The following SPTBN4 variants were observed in gnomAD, a reference collection of about 807,000 sequenced individuals.
The protein encoded by SPTBN4 is spectrin beta, non-erythrocytic 4, also known as spectrin beta chain, non-erythrocytic 4.
SPTBN4 carries 96 observed loss-of-function variants against 277.8 expected under a neutral mutation model. That is an observed-to-expected ratio of 0.35 (90% CI 0.29 to 0.41). The LOEUF (loss-of-function observed/expected upper bound fraction) is 0.41. Ranked by LOEUF, SPTBN4 falls within the 10% of genes least tolerant of loss-of-function variation. The pLI is 1.00. For missense variants in SPTBN4, 3,006 were observed against 3,595.7 expected (o/e 0.84, Z 4.19); for synonymous variants, 1,481 against 1,580.3 (o/e 0.94, Z 1.49).
At position 40,570,695 on chromosome 19, in the gene SPTBN4, G is replaced by A; in HGVS notation, c.7286G>A (p.Arg2429His). 6.2e-7 allele frequency: 1 copy of A among 1,607,744 alleles called. No individual in the cohort carries two copies. The highest frequency in any genetic ancestry group is 1.7e-4 in the Middle Eastern group (1 of 6,006). ...VQHEGFLLRK[R>H]ELDANRKSSN... The stretch of plus-strand genomic sequence containing the variant: ...CACGAGGGCTTCCTACTGCGCAAGC[G>A]CGAGCTCGACGCTAACCGCAAGTCG... Residue 2429 changes from arginine (R) to histidine (H), a missense_variant, in exon 33 of 36, where the codon CGC becomes CAC. Physicochemically the swap from Arg to His is conservative, Grantham distance 29. Around this residue, in one of 5 missense-constraint regions of SPTBN4, gnomAD observed 630 missense variants for 677.6 expected, o/e 0.93. Coordinates refer to ENST00000598249, the MANE Select transcript of SPTBN4 (RefSeq NM_020971.3).
intron 20 of SPTBN4, among the ~76,000 whole-genome samples, chr19:40,541,784 A>T (rs1046045514): frequency 3.9e-5 from 6 of 151,918 alleles, no homozygotes; most frequent in African/African-American, 1.5e-4. Flanking sequence ...TTACTCTGTC[A>T]CCCAGGCTGG....
Position 40,502,976 on chromosome 19 carries a change from G to A in SPTBN4, c.1362+43G>A, listed in dbSNP as rs762374654. The A allele has an allele frequency of 6.9e-6, 11 of 1,598,460 alleles. No individual in the cohort carries two copies. The highest frequency in any genetic ancestry group is 4.5e-5 in the South Asian group (4 of 89,430). The stretch of plus-strand genomic sequence containing the variant: ...TGGCTCCAGGGTAAAGGGACGGAGG[G>A]CGGGGCTGATGGTCCTGGGACCAGA... On this transcript the variant is annotated intron_variant, in intron 11 of 35. Transcript: ENST00000598249. The surrounding 1 kb of genome is among the most constrained non-coding windows in gnomAD (Gnocchi z 4.9).
rs192213476 is a variant in SPTBN4 at position 40,552,006 on chromosome 19, A to C, written c.4674+1679A>C. ...GAGACCCTGTCTCAAAAAAAAAAAAAAAACATCGATTAAAGATTTACTAAG... is the reference window on the plus strand; with the variant it reads ...GAGACCCTGTCTCAAAAAAAAAAAACAAACATCGATTAAAGATTTACTAAG... On this transcript the variant is annotated intron_variant, in intron 22 of 35. Coordinates refer to ENST00000598249, the MANE Select transcript of SPTBN4 (RefSeq NM_020971.3). Among the ~76,000 whole-genome samples, 345 of 151,232 alleles carry C rather than the reference A, an allele frequency of 2.3e-3. 1 individual carries two copies. The highest frequency in any genetic ancestry group is 7.8e-3 in the African/African-American group (321 of 41,168).
intron 35 of SPTBN4, among the ~76,000 whole-genome samples, chr19:40,573,925 C>T (rs1449023673): frequency 6.6e-6 from 1 of 152,024 alleles, no homozygotes; most frequent in Non-Finnish European, 1.5e-5. Context: ...CACGGTGAAA[C>T]CCCGTCTCTA....
intron 2 of SPTBN4, among the ~76,000 whole-genome samples, chr19:40,475,415 A>C (rs565867339): frequency 1.3e-5 from 2 of 152,244 alleles, no homozygotes; most frequent in South Asian, 2.1e-4. Flanking sequence ...TCAGCAGTTT[A>C]TAATCACAAG....
At chr19:40,511,204 G>A (rs1047233451) in intron 13 of SPTBN4, among the ~76,000 whole-genome samples, 1 of 151,738 alleles carries the variant, frequency 6.6e-6, no homozygotes, top group African/African-American at 2.4e-5. Context: ...AGGAGTTCGA[G>A]ACCAGTCTGG....
At chr19:40,486,064 T>C (rs1039512315) in intron 2 of SPTBN4, among the ~76,000 whole-genome samples, 4 of 147,924 alleles carry the variant, frequency 2.7e-5, no homozygotes, top group African/African-American at 1.0e-4. Context: ...CCTATGTGGG[T>C]GGATTCCTTG....
intron 15 of SPTBN4, among the ~76,000 whole-genome samples, chr19:40,518,323 T>A (rs1178753052): frequency 6.6e-6 from 1 of 152,006 alleles, no homozygotes; most frequent in Non-Finnish European, 1.5e-5. Context: ...AAACAAAATT[T>A]AAAAAACCCA....
chr19:40,490,892 A>G lies in SPTBN4; in HGVS notation c.495+644A>G, dbSNP rs572151848. On this transcript the variant is annotated intron_variant, in intron 4 of 35. Transcript: ENST00000598249. This position sits in a 1 kb window ranked among gnomAD's most constrained non-coding sequence, Gnocchi z 4.3. ...ATGAGACCTTAAATAAATTTAAAAA[A>G]TTAGCCAGGCATGGTGGTGCATGCC... Among the ~76,000 whole-genome samples, 1 of 152,200 alleles carries G rather than the reference A, an allele frequency of 6.6e-6. No homozygotes were observed. The highest frequency in any genetic ancestry group is 1.9e-4 in the East Asian group (1 of 5,160).
At chr19:40,556,770 AC>A (rs1290808039) in intron 25 of SPTBN4, among the ~76,000 whole-genome samples, 1 of 152,140 alleles carries the variant, frequency 6.6e-6, no homozygotes, top group Non-Finnish European at 1.5e-5. Flanking sequence ...TACTAAAAAC[AC>A]AAAAAAATCA....
intron 2 of SPTBN4, among the ~76,000 whole-genome samples, chr19:40,486,651 G>A (rs1392005935): frequency 6.6e-6 from 1 of 152,006 alleles, no homozygotes; most frequent in Non-Finnish European, 1.5e-5. Context: ...GGGATTACAG[G>A]CATGAGCCAC....
intron 18 of SPTBN4, among the ~76,000 whole-genome samples, chr19:40,532,288 TGG>T (rs55803333): frequency 6.9e-6 from 1 of 145,906 alleles, no homozygotes; most frequent in African/African-American, 2.5e-5. Context: ...GAGCTTGTTT[TGG>T]GGGGGGTGAT....
rs1387498828 is a variant in SPTBN4, at chr19:40,502,345, C to T, written c.1085+30C>T. The stretch of plus-strand genomic sequence containing the variant: ...GGCCCAGCTCTGGAGGGAGGGTGGG[C>T]AGGGGTGGCATGACGGCAGGGCTCC... On this transcript the variant is annotated intron_variant, in intron 9 of 35. Transcript: ENST00000598249. The surrounding 1 kb of genome is among the most constrained non-coding windows in gnomAD (Gnocchi z 4.9). The T allele has an allele frequency of 6.2e-7, 1 of 1,604,722 alleles. No homozygotes were observed. The highest frequency in any genetic ancestry group is 1.7e-5 in the Admixed American group (1 of 59,858).
chr19:40,526,167 CTTTTTTTT>C (rs1168105162), intron 17 of SPTBN4, among the ~76,000 whole-genome samples: 2 of 93,174 alleles, frequency 2.1e-5, no homozygotes, highest in East Asian at 2.8e-4. Flanking sequence ...AGGTGCTGTT[CTTTTTTTT>C]TTTTTTTTTT....
intron 2 of SPTBN4, among the ~76,000 whole-genome samples, chr19:40,486,227 G>A (rs1024846601): frequency 6.6e-6 from 1 of 151,908 alleles, no homozygotes; most frequent in Non-Finnish European, 1.5e-5. Context: ...GGAGGCAGAG[G>A]TTGCAATGAG....
chr19:40,567,136 A>G (rs766744178), intron 30 of SPTBN4: 1 of 455,570 alleles, frequency 2.2e-6, no homozygotes, highest in South Asian at 1.5e-5. Flanking sequence ...AAAAGCAAAC[A>G]AAGAAAAAAC....
rs754448570 is a variant in SPTBN4, at chr19:40,472,688, G to A, written c.67G>A (p.Ala23Thr). ...GCCTGCTCCTAACAACAACCCTGCTGCCCGCTGGGAGAGTCCGGATCGGGG... is the reference window on the plus strand; with the variant it reads ...GCCTGCTCCTAACAACAACCCTGCTACCCGCTGGGAGAGTCCGGATCGGGG... ...GLPAPNNNPA[A>T]RWESPDRGWE... is the part of the protein sequence containing the mutation. The change falls in exon 2 of 36, where the codon GCC becomes ACC. Residue 23 changes from alanine to threonine, a missense_variant. Physicochemically the swap from Ala to Thr is moderately conservative, Grantham distance 58. This residue lies in a region of SPTBN4 where 78 missense variants were observed against 65.7 expected (regional missense o/e 1.19). Transcript: ENST00000598249. 6.2e-7 allele frequency: 1 copy of A among 1,613,830 alleles called. No homozygotes were observed. Among genetic ancestry groups the A allele is most frequent in the Non-Finnish European group, 8.5e-7 (1 of 1,179,918 alleles).
At chr19:40,474,839 C>G (rs2079929157) in intron 2 of SPTBN4, among the ~76,000 whole-genome samples, 1 of 152,052 alleles carries the variant, frequency 6.6e-6, no homozygotes, top group African/African-American at 2.4e-5. Flanking sequence ...TTTCAGTGAG[C>G]TGAGATCACA....
Position 40,519,676 on chromosome 19 carries a change from A to C in SPTBN4, c.3179A>C (p.His1060Pro). The C allele has an allele frequency of 7.2e-7, 1 of 1,392,536 alleles. No homozygotes were observed. The highest frequency in any genetic ancestry group is 9.2e-7 in the Non-Finnish European group (1 of 1,084,446). 86.3% of individuals were successfully genotyped at this position (1,392,536 alleles called of 1,614,324 possible). Residue 1060 changes from histidine (H) to proline (P), a missense_variant, in exon 16 of 36, where the codon CAC becomes CCC. This residue lies in a region of SPTBN4 where 1,759 missense variants were observed against 2,061.5 expected (regional missense o/e 0.85). Transcript: ENST00000598249. This position sits in a 1 kb window ranked among gnomAD's most constrained non-coding sequence, Gnocchi z 5.7. Reference protein sequence around the residue: ...ERFPAQAARLHQGAEELGAEW... With the variant: ...ERFPAQAARLPQGAEELGAEW... ...TTCCCGGCGCAGGCGGCGCGGCTGC[A>C]CCAGGGCGCGGAGGAGCTGGGCGCC...
Sources: allele counts gnomAD v4.1 joint callset (sites outside exome capture counted in the v4.1 genomes callset), GRCh38; gene constraint gnomAD v4.1.1; regional missense constraint gnomAD v4.1.1; non-coding constraint Gnocchi (gnomAD v3.1); transcripts MANE v1.5; gene names NCBI Gene and HGNC (gene_info 2026-07-23, HGNC 2026-07-21).